The following DISC1 variants were observed in gnomAD, a reference collection of about 807,000 sequenced individuals.
The protein encoded by DISC1 is disrupted in schizophrenia 1 protein.
DISC1 carries 57 observed loss-of-function variants against 84.5 expected under a neutral mutation model. That is an observed-to-expected ratio of 0.67 (90% CI 0.55 to 0.84). The LOEUF (loss-of-function observed/expected upper bound fraction) is 0.84, where lower values mean the gene tolerates loss of function less well. Among genes scored for constraint, DISC1 ranks in the 40% least tolerant of loss-of-function variants. The probability of loss-of-function intolerance (pLI) is 0.00; values close to 1 mark genes in which losing one functional copy is unlikely to be tolerated. For synonymous variants in DISC1, 411 were observed against 415.2 expected (o/e 0.99, Z 0.12); for missense variants, 1,000 against 1,057.8 (o/e 0.95, Z 0.76).
chr1:231,774,189 G>A (rs1357950810), intron 6 of DISC1, among the ~76,000 whole-genome samples: 1 of 152,020 alleles, frequency 6.6e-6, no homozygotes, highest in Non-Finnish European at 1.5e-5. Context: ...TGGAGTTCGA[G>A]ATTACAGTGA....
intron 9 of DISC1, among the ~76,000 whole-genome samples, chr1:231,957,408 C>T (rs1330919908): frequency 6.6e-6 from 1 of 152,110 alleles, no homozygotes. Flanking sequence ...TCATTACCAC[C>T]TTCTAATGTT....
At chr1:231,909,759 T>C (rs559992975) in intron 9 of DISC1, among the ~76,000 whole-genome samples, 1 of 152,334 alleles carries the variant, frequency 6.6e-6, no homozygotes, top group African/African-American at 2.4e-5. Flanking sequence ...AGGTACCAGC[T>C]CCTCTTTGTA....
chr1:231,643,832 C>G (rs2059920356), intron 1 of DISC1, among the ~76,000 whole-genome samples: 3 of 152,136 alleles, frequency 2.0e-5, no homozygotes, highest in African/African-American at 7.2e-5. Context: ...AGGTGACGTC[C>G]CACACAATGG....
chr1:232,006,035 C>G (rs1667382175), intron 10 of DISC1, among the ~76,000 whole-genome samples: 1 of 152,194 alleles, frequency 6.6e-6, no homozygotes, highest in East Asian at 1.9e-4. Context: ...GCTCCATATA[C>G]AGGGATATGT....
intron 9 of DISC1, among the ~76,000 whole-genome samples, chr1:231,952,715 G>GTT (rs1558774124): frequency 5.6e-5 from 6 of 107,594 alleles, no homozygotes; most frequent in Non-Finnish European, 1.0e-4. Flanking sequence ...ATATATATAT[G>GTT]TATATATATA....
At chr1:231,999,405 A>G (rs1203721483) in intron 10 of DISC1, among the ~76,000 whole-genome samples, 1 of 152,156 alleles carries the variant, frequency 6.6e-6, no homozygotes, top group African/African-American at 2.4e-5. Context: ...CCAAGCAACC[A>G]AAGGCAGCTC....
In DISC1 at chr1:231,897,570, A is replaced by G. The variant is rs180706376; in HGVS notation, c.1982-61258A>G. Reference sequence around the variant, plus strand: ...CCAGCCTATTTGTGGCATCTGAAAAACTTTGCGGCAGCATTTTACAGCCAT... The same window carrying G: ...CCAGCCTATTTGTGGCATCTGAAAAGCTTTGCGGCAGCATTTTACAGCCAT... On this transcript the variant is annotated intron_variant, in intron 9 of 12. Coordinates refer to ENST00000439617, the MANE Select transcript of DISC1 (RefSeq NM_018662.3). This position sits in a 1 kb window ranked among gnomAD's most constrained non-coding sequence, Gnocchi z 4.5. Among the ~76,000 whole-genome samples, 533 of 151,838 alleles carry G rather than the reference A, an allele frequency of 3.5e-3. 2 individuals are homozygous for G. The highest frequency in any genetic ancestry group is 0.017 in the Middle Eastern group (5 of 292).
chr1:231,686,242 T>A (rs1489354759), intron 1 of DISC1, among the ~76,000 whole-genome samples: 1 of 152,232 alleles, frequency 6.6e-6, no homozygotes, highest in South Asian at 2.1e-4. Context: ...GTAGGGACTC[T>A]GTGGGGGCTC....
chr1:231,872,405 A>T lies in DISC1; in HGVS notation c.1981+53888A>T, dbSNP rs12124358. ...TTTAATGAAACCAAATGCTCCTGAA[A>T]GTTTGACCCTGATCTAGTGATACCT... On this transcript the variant is annotated intron_variant, in intron 9 of 12. Transcript: ENST00000439617. Among the ~76,000 whole-genome samples the T allele has an allele frequency of 2.1e-3, 321 of 152,264 alleles. 5 individuals carry two copies. The highest frequency in any genetic ancestry group is 1.7e-3 in the Non-Finnish European group (119 of 68,016).
chr1:231,793,912 C>A (rs899541700), intron 6 of DISC1, among the ~76,000 whole-genome samples: 7 of 152,108 alleles, frequency 4.6e-5, no homozygotes, highest in African/African-American at 1.7e-4. Context: ...CCCATATTTA[C>A]TTTGATTTTC....
chr1:231,896,406 A>T (rs967434), intron 9 of DISC1, among the ~76,000 whole-genome samples: 5 of 151,860 alleles, frequency 3.3e-5, no homozygotes, highest in Admixed American at 3.3e-4. Flanking sequence ...ACTGACAGCT[A>T]CTCCTTCAGG....
chr1:231,966,258 A>G (rs1040977148), intron 10 of DISC1, among the ~76,000 whole-genome samples: 1 of 152,194 alleles, frequency 6.6e-6, no homozygotes, highest in African/African-American at 2.4e-5. Flanking sequence ...AATAGAATAG[A>G]AAAAAACGAC....
At chr1:231,864,249 T>C (rs1248901683) in intron 9 of DISC1, among the ~76,000 whole-genome samples, 1 of 152,256 alleles carries the variant, frequency 6.6e-6, no homozygotes. Flanking sequence ...TCATTTTTTT[T>C]TCCTACATCA....
At chr1:231,743,936 T>C (rs1029048793) in intron 3 of DISC1, among the ~76,000 whole-genome samples, 3 of 152,178 alleles carry the variant, frequency 2.0e-5, no homozygotes, top group African/African-American at 7.2e-5. Flanking sequence ...GGTGTGTGCC[T>C]TGGGAATGGG....
chr1:231,948,861 ATT>A (rs58931988), intron 9 of DISC1, among the ~76,000 whole-genome samples: 15,311 of 93,854 alleles, frequency 0.16, 654 homozygotes, highest in East Asian at 0.37. Flanking sequence ...TCCTGTGTTA[ATT>A]TTTTTTTTTT....
chr1:231,702,743 G>C lies in DISC1; in HGVS notation c.1117+719G>C, dbSNP rs528556199. 5.3e-5 allele frequency: 14 copies of C among 264,866 alleles called. No individual in the cohort carries two copies. The South Asian group carries it at 1.9e-3, about 35-fold the overall frequency. 16.4% of individuals were successfully genotyped at this position (264,866 alleles called of 1,614,324 possible). On this transcript the variant is annotated intron_variant, in intron 3 of 12. Coordinates refer to ENST00000439617, the MANE Select transcript of DISC1 (RefSeq NM_018662.3). ...ATGGGGGTTGAATGGGCACAGGGTA[G>C]ACTGAGTCAAAGGAAAGCTTTCAGG...
At position 231,864,891 on chromosome 1, in the gene DISC1, G is replaced by T. The variant is rs1263978577; in HGVS notation, c.1981+46374G>T. Among the ~76,000 whole-genome samples, 4 of 152,168 alleles carry T rather than the reference G, an allele frequency of 2.6e-5. 1 individual carries two copies. The highest frequency in any genetic ancestry group is 9.7e-5 in the African/African-American group (4 of 41,434). ...CAGATTACTCCAGAAGGAGAAAGTA[G>T]CAGTCTAATTATTTTATTTGGTTGC... On this transcript the variant is annotated intron_variant, in intron 9 of 12. Coordinates refer to ENST00000439617, the MANE Select transcript of DISC1 (RefSeq NM_018662.3).
chr1:231,866,587 T>C (rs2085075962), intron 9 of DISC1: 1 of 1,375,254 alleles, frequency 7.3e-7, no homozygotes, highest in Non-Finnish European at 1.0e-6. Flanking sequence ...GAGGACAGCC[T>C]GCAGGACACA....
At chr1:231,820,931 G>A (rs2081447419) in intron 9 of DISC1, among the ~76,000 whole-genome samples, 1 of 152,186 alleles carries the variant, frequency 6.6e-6, no homozygotes, top group South Asian at 2.1e-4. Context: ...ACAATTAGCA[G>A]TGTCTCTCGT....
Sources: gnomAD v4.1 joint callset for allele counts (sites outside exome capture counted in the v4.1 genomes callset) on GRCh38, gnomAD v4.1.1 for gene constraint, Gnocchi (gnomAD v3.1) non-coding constraint, MANE v1.5 for transcripts, NCBI Gene and HGNC (gene_info 2026-07-23, HGNC 2026-07-21) for gene names.